PREX1: variants seen among roughly 807,000 people sequenced by gnomAD.
PREX1 encodes the protein phosphatidylinositol-3,4,5-trisphosphate dependent Rac exchange factor 1.
In PREX1, 41 loss-of-function variants were observed where a neutral mutation model predicts 198.3. The ratio of observed to expected loss-of-function variants is 0.21; its 90% CI spans 0.16 to 0.27. PREX1 has a LOEUF of 0.27. PREX1 is among the 10% of genes least tolerant of loss of function. The pLI is 1.00. For synonymous variants in PREX1, 843 were observed against 887.2 expected (o/e 0.95, Z 0.89); for missense variants, 1,620 against 2,200.7 (o/e 0.74, Z 5.28).
At chr20:48,855,904 A>G in the PREX1 span, among the ~76,000 whole-genome samples, 7 of 152,336 alleles carry the variant, frequency 4.6e-5, no homozygotes, top group South Asian at 1.4e-3. Context: ...CTCTGTCTCA[A>G]ATAAATAAAT....
At chr20:48,874,090 T>C in the PREX1 span, among the ~76,000 whole-genome samples, 9 of 152,176 alleles carry the variant, frequency 5.9e-5, no homozygotes, top group African/African-American at 1.9e-4. Context: ...TACATGTATT[T>C]GTACCTGACA....
rs112721780 is a variant in PREX1, at chr20:48,749,060, G to T, written c.220-1180C>A. Among the ~76,000 whole-genome samples the T allele has an allele frequency of 4.3e-3, 651 of 152,212 alleles. 9 individuals are homozygous for T. Among genetic ancestry groups the T allele is most frequent in the African/African-American group, 0.014 (579 of 41,498 alleles). ...GTGGCAGAAAGAAGAGCTGCCGAGG[G>T]GTCACACGTATGGGCTGAGAGAGTC... On this transcript the variant is annotated intron_variant, in intron 1 of 39. Coordinates refer to ENST00000371941, the MANE Select transcript of PREX1 (RefSeq NM_020820.4).
At chr20:48,774,124 G>A (rs979177043) in intron 1 of PREX1, among the ~76,000 whole-genome samples, 1 of 152,220 alleles carries the variant, frequency 6.6e-6, no homozygotes, top group African/African-American at 2.4e-5. Context: ...TTTGGGGGGC[G>A]GGTAGAGAGT....
intron 24 of PREX1, 125 bp downstream of exon 24, chr20:48,649,871 A>T (rs1444835691): frequency 8.9e-7 from 1 of 1,129,696 alleles, no homozygotes; most frequent in East Asian, 2.5e-5. Context: ...TAAAGAGAGA[A>T]GGTCATCCCT....
At chr20:48,655,903 C>A (rs1199189489) in intron 18 of PREX1, among the ~76,000 whole-genome samples, 4 of 152,180 alleles carry the variant, frequency 2.6e-5, no homozygotes, top group African/African-American at 9.7e-5. Context: ...AGCATCAGTA[C>A]CCTGCCCACA....
chr20:48,749,132 A>G (rs1033635027), intron 1 of PREX1, among the ~76,000 whole-genome samples: 1 of 152,120 alleles, frequency 6.6e-6, no homozygotes, highest in South Asian at 2.1e-4. Context: ...GTCAGCACCT[A>G]AGGGAGACCG....
At chr20:48,807,742 G>A (rs113015761) in intron 1 of PREX1, among the ~76,000 whole-genome samples, 12 of 152,272 alleles carry the variant, frequency 7.9e-5, no homozygotes, top group South Asian at 2.1e-4. Context: ...CCAGGCCAGC[G>A]CTGGGCATTA....
At chr20:48,661,468 T>TATATATATATATATATATACAC (rs1373152651) in intron 15 of PREX1, among the ~76,000 whole-genome samples, 9 of 76,802 alleles carry the variant, frequency 1.2e-4, no homozygotes, top group African/African-American at 7.0e-4. Context: ...TATATATATA[T>TATATATATATATATATATACAC]ACACACACAT....
chr20:48,632,998 A>G (rs6019325), intron 33 of PREX1, among the ~76,000 whole-genome samples: 20,290 of 152,082 alleles, frequency 0.13, 1,445 homozygotes, highest in African/African-American at 0.19. Flanking sequence ...CGCTCCTTGT[A>G]CCCTCACCCG....
At chr20:48,850,291 G>A in the PREX1 span, among the ~76,000 whole-genome samples, 1 of 152,174 alleles carries the variant, frequency 6.6e-6, no homozygotes, top group African/African-American at 2.4e-5. Flanking sequence ...GAGGGCCGAG[G>A]GGAGGAAACC....
chr20:48,796,732 TTA>T (rs1205606416), intron 1 of PREX1, among the ~76,000 whole-genome samples: 27 of 150,514 alleles, frequency 1.8e-4, no homozygotes, highest in African/African-American at 6.3e-4. Flanking sequence ...TAAAATAGTT[TTA>T]TATATGTATA....
rs2089436530 is a variant in PREX1 at position 48,644,445 on chromosome 20, T to C, written c.3565A>G (p.Asn1189Asp). Reference sequence around the variant, plus strand: ...TCGTCGCTGCCCAAGTAGGAGCTGTTACTTCTCACGCTGGTGTAGGACAGG... The same window carrying C: ...TCGTCGCTGCCCAAGTAGGAGCTGTCACTTCTCACGCTGGTGTAGGACAGG... Reference protein sequence around the residue: ...SVLSYTSVRSNSSYLGSDEMG... With the variant: ...SVLSYTSVRSDSSYLGSDEMG... The change falls in exon 27 of 40, where the codon AAC (asparagine) becomes GAC (aspartate). Residue 1189 changes from asparagine to aspartate, a missense_variant. By Grantham distance (23) the Asn-to-Asp change is conservative (BLOSUM62 1). Coordinates refer to ENST00000371941, the MANE Select transcript of PREX1 (RefSeq NM_020820.4). The C allele has an allele frequency of 6.2e-7, 1 of 1,613,882 alleles. No homozygotes were observed. Among genetic ancestry groups the C allele is most frequent in the Non-Finnish European group, 8.5e-7 (1 of 1,179,942 alleles).
chr20:48,817,690 A>G (rs931369836), intron 1 of PREX1, among the ~76,000 whole-genome samples: 5 of 152,202 alleles, frequency 3.3e-5, no homozygotes, highest in African/African-American at 1.2e-4. Context: ...ACATACCCAC[A>G]TAGTCAAAAG....
At chr20:48,713,379 G>A (rs1283116128) in intron 5 of PREX1, among the ~76,000 whole-genome samples, 1 of 152,100 alleles carries the variant, frequency 6.6e-6, no homozygotes, top group Non-Finnish European at 1.5e-5. Context: ...TTGAACCCGG[G>A]AGGCAGAGGT....
At chr20:48,776,475 G>A (rs1054050558) in intron 1 of PREX1, among the ~76,000 whole-genome samples, 3 of 152,210 alleles carry the variant, frequency 2.0e-5, no homozygotes, top group Non-Finnish European at 4.4e-5. Flanking sequence ...CCAGCCGCTG[G>A]AGCCTGGAAG....
chr20:48,632,773 C>G (rs2089325841), intron 33 of PREX1, 134 bp from the exon 34 acceptor site: 5 of 933,844 alleles, frequency 5.4e-6, no homozygotes, highest in Non-Finnish European at 8.0e-6. Flanking sequence ...TCCCTGTTCT[C>G]CCGACTCTAC....
At chr20:48,747,764 G>A (rs776539183) in intron 2 of PREX1, 45 bp downstream of exon 2, 4 of 1,559,376 alleles carry the variant, frequency 2.6e-6, no homozygotes, top group Admixed American at 3.4e-5. Context: ...AAGGCACAAA[G>A]CAACACAGAT....
At chr20:48,757,797 G>A (rs1021781179) in intron 1 of PREX1, among the ~76,000 whole-genome samples, 2 of 152,184 alleles carry the variant, frequency 1.3e-5, no homozygotes, top group Admixed American at 6.5e-5. Context: ...ACATTTCCTT[G>A]GCACCATTCC....
At chr20:48,857,210 C>T in the PREX1 span, among the ~76,000 whole-genome samples, 7 of 152,160 alleles carry the variant, frequency 4.6e-5, no homozygotes, top group Non-Finnish European at 7.3e-5. Flanking sequence ...GCTCTTTGGC[C>T]CCTTTCCACA....
Sources: allele counts gnomAD v4.1 joint callset (sites outside exome capture counted in the v4.1 genomes callset), GRCh38; gene constraint gnomAD v4.1.1; transcripts MANE v1.5; gene names NCBI Gene and HGNC (gene_info 2026-07-23, HGNC 2026-07-21).